The following CPPED1 variants were observed in gnomAD, a reference collection of about 807,000 sequenced individuals.
CPPED1 encodes the protein calcineurin like phosphoesterase domain containing 1.
Under a neutral mutation model 28.0 loss-of-function variants are expected in CPPED1, and 28 were observed. The ratio of observed to expected loss-of-function variants is 1.00; its 90% CI spans 0.74 to 1.37. The LOEUF (loss-of-function observed/expected upper bound fraction) is 1.37, where lower values mean the gene tolerates loss of function less well. Among genes scored for constraint, CPPED1 ranks in the 40% most tolerant of loss-of-function variants. The pLI, the probability that CPPED1 is intolerant of heterozygous loss-of-function variation, is 0.00. For synonymous variants in CPPED1, 198 were observed against 180.2 expected, an observed-to-expected ratio of 1.10 and a Z score of -0.79; for missense variants, 504 against 416.5, an observed-to-expected ratio of 1.21 and a Z score of -1.83.
chr16:12,728,668 C>T (rs561291984), intron 2 of CPPED1, among the ~76,000 whole-genome samples: 72 of 152,338 alleles, frequency 4.7e-4, no homozygotes, highest in Non-Finnish European at 8.7e-4. Flanking sequence ...CAACAAGATG[C>T]TACATTCCTG....
At position 12,676,310 on chromosome 16, in the gene CPPED1, G is replaced by A. The variant is rs1201763100; in HGVS notation, c.716-11195C>T. On this transcript the variant is annotated intron_variant, in intron 3 of 3. Transcript: ENST00000381774. ...AGTGTGGTGGGATCAACCATTCCCAGCAATCAACAACTCAAGGTCTATAGC... is the reference window on the plus strand; with the variant it reads ...AGTGTGGTGGGATCAACCATTCCCAACAATCAACAACTCAAGGTCTATAGC... 3.3e-5 allele frequency among the ~76,000 whole-genome samples: 5 copies of A among 152,244 alleles called. No homozygotes were observed. In the East Asian group the frequency reaches 9.6e-4, roughly 29 times the overall value.
At chr16:12,768,132 A>T (rs557754857) in intron 2 of CPPED1, among the ~76,000 whole-genome samples, 2 of 152,192 alleles carry the variant, frequency 1.3e-5, no homozygotes, top group African/African-American at 4.8e-5. Context: ...TGAACCTTCA[A>T]CTGAATTCTA....
chr16:12,780,732 T>TA (rs11321645), intron 2 of CPPED1, among the ~76,000 whole-genome samples: 132 of 140,380 alleles, frequency 9.4e-4, no homozygotes, highest in Admixed American at 1.4e-3. Flanking sequence ...ACACATACCT[T>TA]AAAAAAAAAA....
At chr16:12,757,192 C>T (rs942751184) in intron 2 of CPPED1, among the ~76,000 whole-genome samples, 2 of 152,078 alleles carry the variant, frequency 1.3e-5, no homozygotes, top group Non-Finnish European at 2.9e-5. Flanking sequence ...TCGAGGGTGA[C>T]CAACAAAGTT....
At position 12,682,078 on chromosome 16, in the gene CPPED1, T is replaced by C. The variant is rs1371997066; in HGVS notation, c.716-16963A>G. 6.6e-6 allele frequency among the ~76,000 whole-genome samples: 1 copy of C among 152,066 alleles called. No homozygotes were observed. Among genetic ancestry groups the C allele is most frequent in the East Asian group, 1.9e-4 (1 of 5,188 alleles). On this transcript the variant is annotated intron_variant, in intron 3 of 3. Transcript: ENST00000381774. The surrounding 1 kb of genome is among the most constrained non-coding windows in gnomAD (Gnocchi z 6.1). ...AGACAGTGTCTCTCTCGGTCGCCTA[T>C]GTTGGAGTGCAGTGGCGCGATCTTG...
chr16:12,687,356 C>A (rs2079938746), intron 3 of CPPED1, among the ~76,000 whole-genome samples: 1 of 152,084 alleles, frequency 6.6e-6, no homozygotes, highest in Non-Finnish European at 1.5e-5. Context: ...AATGATATCC[C>A]AAGTCCCCTT....
intron 3 of CPPED1, among the ~76,000 whole-genome samples, chr16:12,700,803 C>G (rs1211086964): frequency 6.6e-6 from 1 of 152,184 alleles, no homozygotes; most frequent in East Asian, 1.9e-4. Flanking sequence ...TCCCTGCCCT[C>G]AGGGAGCTGA....
chr16:12,725,333 G>A (rs1220375034), intron 2 of CPPED1, among the ~76,000 whole-genome samples: 1 of 152,168 alleles, frequency 6.6e-6, no homozygotes, highest in Non-Finnish European at 1.5e-5. Flanking sequence ...GACCTCAAGT[G>A]ATCTGGCTAA....
chr16:12,723,251 T>A (rs1221812615), intron 2 of CPPED1, among the ~76,000 whole-genome samples: 1 of 152,226 alleles, frequency 6.6e-6, no homozygotes, highest in East Asian at 1.9e-4. Context: ...CTTAGGCAAT[T>A]ACAGGTGTGA....
At chr16:12,779,984 C>G (rs2080520265) in intron 2 of CPPED1, among the ~76,000 whole-genome samples, 1 of 152,096 alleles carries the variant, frequency 6.6e-6, no homozygotes, top group African/African-American at 2.4e-5. Context: ...AAAAGGACAT[C>G]AGAGTAGGCA....
intron 1 of CPPED1, among the ~76,000 whole-genome samples, chr16:12,801,651 C>G (rs771177399): frequency 6.6e-6 from 1 of 152,018 alleles, no homozygotes; most frequent in Admixed American, 6.6e-5. Context: ...GAGATTTGTA[C>G]AGAATGTTCA....
At chr16:12,676,863 C>T (rs75723645) in intron 3 of CPPED1, among the ~76,000 whole-genome samples, 184 of 152,260 alleles carry the variant, frequency 1.2e-3, no homozygotes, top group African/African-American at 3.9e-3. Context: ...ACAATTCCTC[C>T]ATGAAGGAGG....
At chr16:12,671,126 C>G (rs1393984676) in intron 3 of CPPED1, among the ~76,000 whole-genome samples, 3 of 152,200 alleles carry the variant, frequency 2.0e-5, no homozygotes, top group East Asian at 1.9e-4. Flanking sequence ...GCTGGGATTA[C>G]AGGTGTGAGC....
intron 2 of CPPED1, among the ~76,000 whole-genome samples, chr16:12,732,219 T>A (rs927366757): frequency 1.5e-5 from 2 of 134,848 alleles, no homozygotes; most frequent in Non-Finnish European, 3.2e-5. Context: ...GGATGCTATT[T>A]TGAAAAGGAA....
At chr16:12,681,547 G>A (rs190843607) in intron 3 of CPPED1, among the ~76,000 whole-genome samples, 4 of 152,224 alleles carry the variant, frequency 2.6e-5, no homozygotes, top group African/African-American at 7.2e-5. Flanking sequence ...CCTGATTAAC[G>A]ATTCACAAAA....
chr16:12,665,221 A>G, intron 3 of CPPED1, 106 bp from the exon 4 acceptor site: 8 of 908,254 alleles, frequency 8.8e-6, no homozygotes, highest in South Asian at 2.1e-5. Context: ...ATATATTATT[A>G]TACCATCATG....
At chr16:12,792,670 C>T (rs1448488119) in intron 1 of CPPED1, among the ~76,000 whole-genome samples, 1 of 152,126 alleles carries the variant, frequency 6.6e-6, no homozygotes, top group Non-Finnish European at 1.5e-5. Flanking sequence ...GTAACTGAAT[C>T]ATGGGGGCTG....
intron 2 of CPPED1, among the ~76,000 whole-genome samples, chr16:12,758,480 C>A (rs533439712): frequency 5.9e-5 from 9 of 152,266 alleles, no homozygotes; most frequent in South Asian, 4.1e-4. Context: ...AAGCTGGAAG[C>A]GAATACAAGA....
chr16:12,797,315 C>A (rs533195783), intron 1 of CPPED1, among the ~76,000 whole-genome samples: 3 of 152,278 alleles, frequency 2.0e-5, no homozygotes, highest in African/African-American at 4.8e-5. Context: ...CTTTTGGAGG[C>A]TAAGGCAGGA....
Sources: allele counts gnomAD v4.1 joint callset (sites outside exome capture counted in the v4.1 genomes callset), GRCh38; gene constraint gnomAD v4.1.1; non-coding constraint Gnocchi (gnomAD v3.1); transcripts MANE v1.5; gene names NCBI Gene and HGNC (gene_info 2026-07-23, HGNC 2026-07-21).